Variants in ATP6V1D observed in about 807,000 individuals in gnomAD.
ATP6V1D encodes V-type proton ATPase subunit D.
ATP6V1D carries 20 observed loss-of-function variants against 39.4 expected under a neutral mutation model. The ratio of observed to expected loss-of-function variants is 0.51; its 90% CI spans 0.36 to 0.74. The LOEUF (loss-of-function observed/expected upper bound fraction) is 0.74. Among genes scored for constraint, ATP6V1D ranks in the 30% least tolerant of loss-of-function variants. The probability of loss-of-function intolerance (pLI) is 0.00; values close to 1 mark genes in which losing one functional copy is unlikely to be tolerated. For synonymous variants in ATP6V1D, 100 were observed against 100.5 expected (o/e 0.99, Z 0.03); for missense variants, 228 against 291.6 (o/e 0.78, Z 1.59).
intron 7 of ATP6V1D, among the ~76,000 whole-genome samples, chr14:67,341,355 C>G (rs1230872565): frequency 6.6e-6 from 1 of 151,674 alleles, no homozygotes; most frequent in Non-Finnish European, 1.5e-5. Context: ...ACCCTCCACC[C>G]GGCAGCCGCC....
intron 1 of ATP6V1D, among the ~76,000 whole-genome samples, chr14:67,357,808 G>C (rs1433939873): frequency 6.6e-6 from 1 of 152,188 alleles, no homozygotes; most frequent in South Asian, 2.1e-4. Flanking sequence ...GTGTTGGTCA[G>C]TGTAAACGCC....
At chr14:67,344,915 A>G (rs10135565) in intron 6 of ATP6V1D, among the ~76,000 whole-genome samples, 12,222 of 151,380 alleles carry the variant, frequency 0.081, 1,161 homozygotes, top group African/African-American at 0.23. Context: ...AAAAAAAACA[A>G]GAGTGTACCA....
At chr14:67,349,937 A>G (rs2085645003) in intron 3 of ATP6V1D, among the ~76,000 whole-genome samples, 1 of 152,230 alleles carries the variant, frequency 6.6e-6, no homozygotes, top group Admixed American at 6.5e-5. Flanking sequence ...GGAAAATAAT[A>G]AAATCAGAAA....
rs1379396679 is a variant in ATP6V1D at position 67,348,363 on chromosome 14, C to A, written c.307+674G>T. Reference sequence around the variant, plus strand: ...GGGATTACAGGTGTGAGCCATCACACCCGGCCTAATTTTTGTATTCTTTGG... The same window carrying A: ...GGGATTACAGGTGTGAGCCATCACAACCGGCCTAATTTTTGTATTCTTTGG... On this transcript the variant is annotated intron_variant, in intron 4 of 8. Transcript: ENST00000216442. Among the ~76,000 whole-genome samples, 41 of 152,018 alleles carry A rather than the reference C, an allele frequency of 2.7e-4. 1 individual carries two copies.
chr14:67,345,945 A>G, intron 5 of ATP6V1D, 74 bp from the exon 6 acceptor site: 1 of 883,900 alleles, frequency 1.1e-6, no homozygotes, highest in East Asian at 2.5e-5. Flanking sequence ...AAAAGGAGAT[A>G]ATTCAGAATA....
rs765222958 is a variant in ATP6V1D, at chr14:67,359,775, T to G, written c.-77A>C. On this transcript the variant is annotated 5_prime_UTR_variant, in exon 1 of 9. Transcript: ENST00000216442. ...ATAGCTCCAGAACTGGCCTCCACAGTGTCTTCCTCTACGGGAGTCAGCTGG... is the reference window on the plus strand; with the variant it reads ...ATAGCTCCAGAACTGGCCTCCACAGGGTCTTCCTCTACGGGAGTCAGCTGG... The G allele has an allele frequency of 3.6e-5, 55 of 1,544,926 alleles. No individual in the cohort carries two copies. The Admixed American group carries it at 9.1e-4, about 26-fold the overall frequency.
intron 2 of ATP6V1D, among the ~76,000 whole-genome samples, chr14:67,352,177 T>C (rs2085658711): frequency 6.6e-6 from 1 of 151,954 alleles, no homozygotes; most frequent in Admixed American, 6.6e-5. Flanking sequence ...TTTTGTTAAG[T>C]ACGTACAGGT....
At chr14:67,354,346 C>A (rs1288987470) in intron 1 of ATP6V1D, among the ~76,000 whole-genome samples, 1 of 152,114 alleles carries the variant, frequency 6.6e-6, no homozygotes, top group Non-Finnish European at 1.5e-5. Context: ...AAAATAATAT[C>A]TTTGTTTTAG....
intron 1 of ATP6V1D, among the ~76,000 whole-genome samples, chr14:67,356,544 G>A (rs1365462264): frequency 1.3e-5 from 2 of 151,916 alleles, no homozygotes; most frequent in African/African-American, 2.4e-5. Context: ...TAGCTGAAAG[G>A]GACTTTAGAC....
intron 2 of ATP6V1D, 145 bp from the exon 3 acceptor site, chr14:67,350,835 C>A: frequency 1.4e-6 from 1 of 722,604 alleles, no homozygotes; most frequent in Non-Finnish European, 2.2e-6. Flanking sequence ...ACAGAAATTT[C>A]CAATTTTTAA....
chr14:67,342,181 A>AAAATAAAT lies in ATP6V1D; in HGVS notation c.523+1183_523+1190dup, dbSNP rs138921606. 5.5e-4 allele frequency among the ~76,000 whole-genome samples: 55 copies of AAAATAAAT among 99,600 alleles called. 1 individual carries two copies. In the East Asian group the frequency reaches 9.9e-3, roughly 18 times the overall value. 65.3% of individuals were successfully genotyped at this position (99,600 alleles called of 152,430 possible). ...TGAGAAACACCCAAGAATGATCAAT[A>AAAATAAAT]AAATAAATAAATAAATAAATAAATA... On this transcript the variant is annotated intron_variant, in intron 7 of 8. Transcript: ENST00000216442.
chr14:67,342,929 G>A (rs2085596031), intron 7 of ATP6V1D, among the ~76,000 whole-genome samples: 1 of 152,024 alleles, frequency 6.6e-6, no homozygotes, highest in South Asian at 2.1e-4. Context: ...TAAAAGAGAT[G>A]GAAAATAAGT....
intron 4 of ATP6V1D, 88 bp downstream of exon 4, chr14:67,348,949 G>A: frequency 1.6e-6 from 2 of 1,225,294 alleles, no homozygotes; most frequent in East Asian, 2.4e-5. Context: ...AAGAAACTAG[G>A]ACATTAAGAT....
At chr14:67,341,300 G>A (rs2085580091) in intron 7 of ATP6V1D, among the ~76,000 whole-genome samples, 1 of 151,994 alleles carries the variant, frequency 6.6e-6, no homozygotes, top group African/African-American at 2.4e-5. Flanking sequence ...CTTCTGGGAG[G>A]TGAGGAGCGT....
chr14:67,352,702 CG>C, intron 2 of ATP6V1D: 1 of 423,230 alleles, frequency 2.4e-6, no homozygotes, highest in Non-Finnish European at 4.2e-6. Flanking sequence ...GAGAGGCAGG[CG>C]GGGGGCCAAT....
At chr14:67,355,449 CAAAAAAAAAAAAAAAAAA>C (rs564931669) in intron 1 of ATP6V1D, among the ~76,000 whole-genome samples, 11 of 18,944 alleles carry the variant, frequency 5.8e-4, no homozygotes, top group Non-Finnish European at 1.2e-3. Flanking sequence ...GACCCTGTCT[CAAAAAAAAAAAAAAAAAA>C]AAAAAAAAAA....
chr14:67,338,873 C>G (rs2085558775), intron 8 of ATP6V1D, 111 bp from the exon 9 acceptor site: 2 of 866,220 alleles, frequency 2.3e-6, no homozygotes, highest in African/African-American at 1.7e-5. Context: ...AGAAAAAAAC[C>G]TGGTACTTTT....
intron 1 of ATP6V1D, among the ~76,000 whole-genome samples, chr14:67,354,787 A>G (rs925300139): frequency 2.0e-5 from 3 of 152,134 alleles, no homozygotes; most frequent in African/African-American, 7.2e-5. Context: ...TTTACTTTTT[A>G]CTACTATATT....
Position 67,345,877 on chromosome 14 carries a change from A to G in ATP6V1D, c.353-6T>C. The stretch of plus-strand genomic sequence containing the variant: ...TAAACCAGTCAGTTCATAACCTGAA[A>G]GGACCAGTCAGACAACATTTTTAAT... On this transcript the variant is annotated splice_polypyrimidine_tract_variant and splice_region_variant and intron_variant, in intron 5 of 8. Coordinates refer to ENST00000216442, the MANE Select transcript of ATP6V1D (RefSeq NM_015994.4). 1.3e-6 allele frequency: 2 copies of G among 1,579,746 alleles called. No homozygotes were observed. Among genetic ancestry groups the G allele is most frequent in the Non-Finnish European group, 1.7e-6 (2 of 1,150,944 alleles).
Sources: allele counts gnomAD v4.1 joint callset (sites outside exome capture counted in the v4.1 genomes callset), GRCh38; gene constraint gnomAD v4.1.1; transcripts MANE v1.5; gene names NCBI Gene and HGNC (gene_info 2026-07-23, HGNC 2026-07-21).